Variants in AHI1 observed in about 807,000 individuals in gnomAD.
AHI1 encodes the protein jouberin.
AHI1 carries 123 observed loss-of-function variants against 149.3 expected under a neutral mutation model. The observed-to-expected ratio is 0.82, with a 90% CI of 0.71 to 0.96. The LOEUF is 0.96. AHI1 is among the 40% of genes least tolerant of loss of function. AHI1 has a pLI of 0.00. For synonymous variants in AHI1, 475 were observed against 459.8 expected (o/e 1.03, Z -0.42); for missense variants, 1,439 against 1,422.7 (o/e 1.01, Z -0.18).
At chr6:135,457,835 A>G in intron 8 of AHI1, 122 bp from the exon 9 acceptor site, 1 of 865,682 alleles carries the variant, frequency 1.2e-6, no homozygotes, top group Non-Finnish European at 1.8e-6. Flanking sequence ...TCAGGGGGAA[A>G]GAAAGAAAAA....
intron 22 of AHI1, among the ~76,000 whole-genome samples, chr6:135,400,904 G>GCC (rs1174665355): frequency 6.6e-6 from 1 of 151,856 alleles, no homozygotes; most frequent in Non-Finnish European, 1.5e-5. Flanking sequence ...AAATATTGAA[G>GCC]CCCCCAAAAT....
intron 23 of AHI1, among the ~76,000 whole-genome samples, chr6:135,377,496 T>TATTTA (rs1776121705): frequency 6.6e-6 from 1 of 151,030 alleles, no homozygotes; most frequent in South Asian, 2.1e-4. Context: ...TTTATTTATT[T>TATTTA]ATGATACAGG....
intron 24 of AHI1, among the ~76,000 whole-genome samples, chr6:135,334,804 T>C (rs1051924975): frequency 6.6e-6 from 1 of 152,154 alleles, no homozygotes; most frequent in African/African-American, 2.4e-5. Flanking sequence ...TGATTTAGAT[T>C]AGGGTTCTCA....
At chr6:135,423,825 T>C (rs1783560531) in intron 20 of AHI1, among the ~76,000 whole-genome samples, 1 of 152,104 alleles carries the variant, frequency 6.6e-6, no homozygotes, top group Non-Finnish European at 1.5e-5. Context: ...CAGTATTAAC[T>C]CTGGTTCAGA....
chr6:135,376,198 C>A (rs1775889476), intron 23 of AHI1, among the ~76,000 whole-genome samples: 1 of 152,016 alleles, frequency 6.6e-6, no homozygotes, highest in Non-Finnish European at 1.5e-5. Context: ...CAGCCCACTA[C>A]AATAATTATT....
intron 24 of AHI1, among the ~76,000 whole-genome samples, chr6:135,324,906 A>G (rs17064427): frequency 0.012 from 1,777 of 152,324 alleles, 39 homozygotes; most frequent in African/African-American, 0.041. Context: ...CTGTCACCAT[A>G]TAAGGGCAGT....
chr6:135,432,456 G>C (rs996712700), intron 16 of AHI1, among the ~76,000 whole-genome samples: 3 of 152,124 alleles, frequency 2.0e-5, no homozygotes, highest in African/African-American at 7.2e-5. Context: ...GGGTTCAAGC[G>C]ATTCTCCTGT....
chr6:135,409,869 T>C (rs1781335792), intron 21 of AHI1, among the ~76,000 whole-genome samples: 2 of 152,210 alleles, frequency 1.3e-5, no homozygotes, highest in Admixed American at 6.5e-5. Flanking sequence ...TTGTATTTGA[T>C]CTTTGTTATC....
chr6:135,415,035 T>C (rs537404865), intron 20 of AHI1, among the ~76,000 whole-genome samples: 1 of 141,894 alleles, frequency 7.0e-6, no homozygotes, highest in Non-Finnish European at 1.5e-5. Flanking sequence ...CACTGTTCAA[T>C]TCCCATCTAT....
intron 23 of AHI1, among the ~76,000 whole-genome samples, chr6:135,393,356 T>C (rs77394532): frequency 2.0e-5 from 3 of 152,258 alleles, no homozygotes; most frequent in Non-Finnish European, 4.4e-5. Context: ...TTAAACAATA[T>C]ATTAACTCAA....
chr6:135,483,465 A>G (rs1189759101), intron 5 of AHI1, among the ~76,000 whole-genome samples: 1 of 152,238 alleles, frequency 6.6e-6, no homozygotes, highest in African/African-American at 2.4e-5. Context: ...AAGAACTATT[A>G]TAAAAATAAA....
At chr6:135,386,249 TAAAA>T (rs775359702) in intron 23 of AHI1, among the ~76,000 whole-genome samples, 1 of 139,820 alleles carries the variant, frequency 7.2e-6, no homozygotes, top group African/African-American at 2.6e-5. Flanking sequence ...ACATTTTTGG[TAAAA>T]AAAAAAAAAG....
intron 23 of AHI1, among the ~76,000 whole-genome samples, chr6:135,379,039 A>G (rs1216881463): frequency 3.9e-5 from 6 of 152,206 alleles, no homozygotes; most frequent in Non-Finnish European, 7.3e-5. Flanking sequence ...CTCTAAGCCT[A>G]TATTCCAAAA....
intron 3 of AHI1, chr6:135,492,961 T>C (rs1391122881): frequency 1.3e-5 from 13 of 968,412 alleles, no homozygotes; most frequent in Non-Finnish European, 1.6e-5. Flanking sequence ...ATGCATGTTT[T>C]TGAGACTAAA....
At chr6:135,455,017 GGA>G (rs1314995733) in intron 10 of AHI1, among the ~76,000 whole-genome samples, 2 of 152,150 alleles carry the variant, frequency 1.3e-5, no homozygotes, top group African/African-American at 4.8e-5. Flanking sequence ...AGCTTACACT[GGA>G]AGGGGGCTTT....
Position 135,442,639 on chromosome 6 carries a change from G to A in AHI1, c.1855C>T (p.His619Tyr). ...ERGCFCLDFS[H>Y]NGRILAAACA... ...GCTGCTGCTAATATTCTTCCATTGT[G>A]GGAGAAATCAAGACAAAAACATCCT... Residue 619 changes from histidine (H) to tyrosine (Y), a missense_variant, in exon 14 of 29, where the codon CAC (histidine) becomes TAC (tyrosine). Physicochemically the swap from His to Tyr is moderately conservative, Grantham distance 83. Transcript: ENST00000265602. 1 of 1,610,018 alleles carries A rather than the reference G, an allele frequency of 6.2e-7. No individual in the cohort carries two copies. Among genetic ancestry groups the A allele is most frequent in the Non-Finnish European group, 8.5e-7 (1 of 1,177,920 alleles).
chr6:135,301,813 C>A (rs1330034721), intron 26 of AHI1: 1 of 985,288 alleles, frequency 1.0e-6, no homozygotes, highest in African/African-American at 1.7e-5. Context: ...AAAGTACATA[C>A]ACACGGGAAA....
At chr6:135,469,893 G>A (rs1791417724) in intron 5 of AHI1, among the ~76,000 whole-genome samples, 1 of 152,168 alleles carries the variant, frequency 6.6e-6, no homozygotes, top group Admixed American at 6.5e-5. Flanking sequence ...TACCATTCAG[G>A]ACACAGGCAC....
intron 15 of AHI1, among the ~76,000 whole-genome samples, chr6:135,437,351 T>C (rs1235091626): frequency 6.6e-6 from 1 of 152,214 alleles, no homozygotes; most frequent in African/African-American, 2.4e-5. Context: ...CATATTTTTC[T>C]CTAGTATGGC....
Sources: allele counts gnomAD v4.1 joint callset (sites outside exome capture counted in the v4.1 genomes callset), GRCh38; gene constraint gnomAD v4.1.1; transcripts MANE v1.5; gene names NCBI Gene and HGNC (gene_info 2026-07-23, HGNC 2026-07-21).